Variants in TARDBP observed in about 807,000 individuals in gnomAD.
The protein encoded by TARDBP is TAR DNA binding protein.
Under a neutral mutation model 38.3 loss-of-function variants are expected in TARDBP, and 4 were observed. That is an observed-to-expected ratio of 0.10 (90% CI 0.05 to 0.24). The LOEUF is 0.24. TARDBP is among the 10% of genes least tolerant of loss of function. TARDBP has a pLI of 1.00. For missense variants in TARDBP, 202 were observed against 521.9 expected (o/e 0.39, Z 5.97); for synonymous variants, 184 against 183.8 (o/e 1.00, Z -0.01).
downstream of TARDBP, chr1:11,026,979 C>T (rs778414372): frequency 6.3e-7 from 1 of 1,585,274 alleles, no homozygotes; most frequent in Non-Finnish European, 8.6e-7. Context: ...ATTCATGGAA[C>T]CCCAGGACAC....
chr1:11,030,474 C>T (rs1335317759), downstream of TARDBP: 1 of 580,678 alleles, frequency 1.7e-6, no homozygotes, highest in Non-Finnish European at 3.0e-6. Flanking sequence ...GTATCAAGAT[C>T]TCAAGTGCTT....
intron 1 of TARDBP, among the ~76,000 whole-genome samples, chr1:11,013,319 C>T (rs1470271558): frequency 6.6e-6 from 1 of 152,226 alleles, no homozygotes; most frequent in East Asian, 1.9e-4. Context: ...CCTATCACGC[C>T]CATGCCTCAG....
intron 2 of TARDBP, among the ~76,000 whole-genome samples, chr1:11,014,788 A>G (rs1221009952): frequency 6.6e-6 from 1 of 151,974 alleles, no homozygotes; most frequent in Non-Finnish European, 1.5e-5. Flanking sequence ...AAAACACAAA[A>G]TCTCTGGATG....
intron 4 of TARDBP, 32 bp downstream of exon 4, chr1:11,018,905 C>T: frequency 1.9e-6 from 3 of 1,613,370 alleles, no homozygotes; most frequent in South Asian, 1.1e-5. Context: ...GAATTTTTGC[C>T]AACAAACTTC....
chr1:11,027,600 T>TGCCCTCCATATATAC (rs1335306691), downstream of TARDBP: 1 of 1,614,100 alleles, frequency 6.2e-7, no homozygotes, highest in Non-Finnish European at 8.5e-7. Flanking sequence ...TTTTGCCTTT[T>TGCCCTCCATATATAC]GCCCTCCATA....
Position 11,022,215 on chromosome 1 carries a change from A to T in TARDBP, c.806A>T (p.Gln269Leu). The change falls in exon 6 of 6, where the codon CAG (glutamine) becomes CTG (leucine). Residue 269 changes from glutamine to leucine, a missense_variant. By Grantham distance (113) the Gln-to-Leu change is moderately radical. Around this residue, in one of 5 missense-constraint regions of TARDBP, gnomAD observed 107 missense variants for 190.5 expected, o/e 0.56. Transcript: ENST00000240185. The surrounding 1 kb of genome is among the most constrained non-coding windows in gnomAD (Gnocchi z 4.5). ...GAACCTAAGCACAATAGCAATAGAC[A>T]GTTAGAAAGAAGTGGAAGATTTGGT... Reference protein sequence around the residue: ...NAEPKHNSNRQLERSGRFGGN... With the variant: ...NAEPKHNSNRLLERSGRFGGN... 1.2e-6 allele frequency: 2 copies of T among 1,613,986 alleles called. No individual in the cohort carries two copies. The highest frequency in any genetic ancestry group is 1.7e-6 in the Non-Finnish European group (2 of 1,179,858).
downstream of TARDBP, chr1:11,026,674 C>T (rs542892676): frequency 6.4e-5 from 25 of 389,808 alleles, no homozygotes; most frequent in Middle Eastern, 6.5e-4. Flanking sequence ...CTGTCACTCT[C>T]GTGGTTTATG....
At chr1:11,029,001 C>CT (rs1177051448), downstream of TARDBP, among the ~76,000 whole-genome samples, 24 of 130,090 alleles carry the variant, frequency 1.8e-4, no homozygotes, top group East Asian at 9.4e-4. Flanking sequence ...TTCTTTTTCT[C>CT]TTTTTTTTTG....
At chr1:11,014,623 A>C (rs932689940) in intron 2 of TARDBP, among the ~76,000 whole-genome samples, 9 of 152,194 alleles carry the variant, frequency 5.9e-5, no homozygotes, top group Non-Finnish European at 1.3e-4. Flanking sequence ...GTCAGTATGC[A>C]AGACACCCTT....
chr1:11,014,287 T>A (rs1027306286), intron 2 of TARDBP, among the ~76,000 whole-genome samples: 4 of 152,248 alleles, frequency 2.6e-5, no homozygotes, highest in Non-Finnish European at 4.4e-5. Context: ...TGCTTCAGTG[T>A]TTGGATTTGA....
downstream of TARDBP, chr1:11,027,714 T>C (rs1384726554): frequency 4.0e-6 from 6 of 1,499,194 alleles, no homozygotes; most frequent in South Asian, 1.3e-5. Flanking sequence ...TCTTAAATTA[T>C]GACCGCCTTG....
chr1:11,025,835 G>A (rs74054483), downstream of TARDBP: 1,472 of 154,864 alleles, frequency 9.5e-3, 22 homozygotes, highest in African/African-American at 0.033. Flanking sequence ...TAACTACTCC[G>A]TAATCCAAGA....
chr1:11,012,840 C>G (rs1032489169), intron 1 of TARDBP, 97 bp downstream of exon 1: 1 of 152,320 alleles, frequency 6.6e-6, no homozygotes, highest in African/African-American at 2.4e-5. Context: ...GACCCTGCCC[C>G]GGGAAGTCAG....
At chr1:11,026,516 A>G (rs1643733905), downstream of TARDBP, 1 of 164,306 alleles carries the variant, frequency 6.1e-6, no homozygotes, top group Non-Finnish European at 1.3e-5. Context: ...TAAAGCACTT[A>G]CAGAGATCAA....
At position 11,022,397 on chromosome 1, in the gene TARDBP, C is replaced by T; in HGVS notation, c.988C>T (p.Leu330=). The change falls in exon 6 of 6, where the codon CTA becomes TTA. Residue 330 remains leucine, a synonymous_variant. Coordinates refer to ENST00000240185, the MANE Select transcript of TARDBP (RefSeq NM_007375.4). The surrounding 1 kb of genome is among the most constrained non-coding windows in gnomAD (Gnocchi z 4.5). ...CATGATGGCTGCCGCCCAGGCAGCA[C>T]TACAGAGCAGTTGGGGTATGATGGG... The part of the protein sequence containing the change: ...PAMMAAAQAA[L]QSSWGMMGML... 1.2e-6 allele frequency: 2 copies of T among 1,613,958 alleles called. No individual in the cohort carries two copies. The highest frequency in any genetic ancestry group is 1.1e-5 in the South Asian group (1 of 91,078).
rs1163402417 is a variant in TARDBP, at chr1:11,025,227, G to C, written c.*2573G>C. The C allele has an allele frequency of 6.6e-6, 1 of 152,478 alleles. No homozygotes were observed. Among genetic ancestry groups the C allele is most frequent in the Non-Finnish European group, 1.5e-5 (1 of 68,010 alleles). 9.4% of individuals were successfully genotyped at this position (152,478 alleles called of 1,614,324 possible). ...CCCAGGGGTAAGTTAACTTGTCAAC[G>C]GCATGGTTTAATCCCTTCTTTACAC... On this transcript the variant is annotated 3_prime_UTR_variant, in exon 6 of 6. Coordinates refer to ENST00000240185, the MANE Select transcript of TARDBP (RefSeq NM_007375.4).
rs1028236461 is a variant in TARDBP, at chr1:11,025,403, T to C, written c.*2749T>C. The stretch of plus-strand genomic sequence containing the variant: ...GTACTTAAACTATTTGGCAAAGATT[T>C]GTTTTTAAAAATCTATTTGGTCAAT... On this transcript the variant is annotated 3_prime_UTR_variant, in exon 6 of 6. Transcript: ENST00000240185. 8 of 152,346 alleles carry C rather than the reference T, an allele frequency of 5.3e-5. No individual in the cohort carries two copies. The East Asian group carries it at 1.5e-3, about 29-fold the overall frequency. The allele number at this position is 152,346 out of a possible 1,614,324, so 9.4% of individuals were successfully genotyped here. A position where few individuals can be genotyped will look rare whatever the true frequency, so the allele number is the denominator to read the frequency against.
chr1:11,025,768 A>AT (rs1210857369), downstream of TARDBP: 1 of 153,834 alleles, frequency 6.5e-6, no homozygotes, highest in Non-Finnish European at 1.5e-5. Flanking sequence ...ACCAAATGAG[A>AT]TTTTTAAAGT....
chr1:11,017,640 A>AGG (rs1385864854), intron 3 of TARDBP, among the ~76,000 whole-genome samples: 1 of 152,234 alleles, frequency 6.6e-6, no homozygotes, highest in Non-Finnish European at 1.5e-5. Context: ...TGAAGGCTTA[A>AGG]GGGAAGTAGG....
Sources: gnomAD v4.1 joint callset for allele counts (sites outside exome capture counted in the v4.1 genomes callset) on GRCh38, gnomAD v4.1.1 for gene constraint, gnomAD v4.1.1 regional missense constraint, Gnocchi (gnomAD v3.1) non-coding constraint, MANE v1.5 for transcripts, NCBI Gene and HGNC (gene_info 2026-07-23, HGNC 2026-07-21) for gene names.